Variants in SELENOS observed in about 807,000 individuals in gnomAD.
SELENOS encodes selenoprotein S.
SELENOS carries 37 observed loss-of-function variants against 30.2 expected under a neutral mutation model. The observed-to-expected ratio is 1.23, with a 90% CI of 0.94 to 1.61. The LOEUF is 1.61. Among genes scored for constraint, SELENOS ranks in the 40% most tolerant of loss-of-function variants. The probability of loss-of-function intolerance (pLI) is 0.00; values close to 1 mark genes in which losing one functional copy is unlikely to be tolerated. For missense variants in SELENOS, 289 were observed against 231.8 expected (o/e 1.25, Z -1.60); for synonymous variants, 119 against 91.6 (o/e 1.30, Z -1.71).
Position 101,275,339 on chromosome 15 carries a change from T to C in SELENOS, c.234A>G (p.Arg78=). 2 of 1,579,976 alleles carry C rather than the reference T, an allele frequency of 1.3e-6. No homozygotes were observed. The highest frequency in any genetic ancestry group is 1.7e-6 in the Non-Finnish European group (2 of 1,162,050). ...AAVEPDVVVK[R]QEALAAARLK... ...GTCGAGCAGCTGCTAAAGCTTCTTG[T>C]CGTTTAACAACAACATCAGGTTCTA... The change falls in exon 3 of 6, where the codon CGA becomes CGG. Residue 78 remains arginine (R), a synonymous_variant. Transcript: ENST00000526049.
intron 5 of SELENOS, among the ~76,000 whole-genome samples, chr15:101,273,276 G>A (rs555363551): frequency 8.5e-5 from 13 of 152,108 alleles, no homozygotes; most frequent in Non-Finnish European, 1.6e-4. Flanking sequence ...CAGTCAGAAC[G>A]GGGTCTTCTG....
chr15:101,274,516 G>A (rs748759590), intron 4 of SELENOS, 21 bp from the exon 5 acceptor site: 1 of 1,607,134 alleles, frequency 6.2e-7, no homozygotes, highest in East Asian at 2.2e-5. Flanking sequence ...ACACACAGTA[G>A]TGTAAGAAGC....
At chr15:101,277,122 C>A in intron 1 of SELENOS, 1 of 818,840 alleles carries the variant, frequency 1.2e-6, no homozygotes, top group Non-Finnish European at 2.0e-6. Flanking sequence ...AAAAGACTTG[C>A]GCAAACAAGG....
chr15:101,274,358 A>G, intron 5 of SELENOS, 62 bp downstream of exon 5: 1 of 1,514,044 alleles, frequency 6.6e-7, no homozygotes, highest in Non-Finnish European at 9.0e-7. Flanking sequence ...CTTGTTCCTA[A>G]AAGGTAACTA....
At chr15:101,274,561 C>CGG (rs1567119073) in intron 4 of SELENOS, 31 bp downstream of exon 4, 2 of 1,610,906 alleles carry the variant, frequency 1.2e-6, no homozygotes, top group Admixed American at 3.4e-5. Flanking sequence ...CTTCATCTAC[C>CGG]GCATGCCAGC....
At chr15:101,274,831 AGT>A in intron 3 of SELENOS, 150 bp from the exon 4 acceptor site, 1 of 848,502 alleles carries the variant, frequency 1.2e-6, no homozygotes, top group South Asian at 1.7e-5. Flanking sequence ...GTGATCTGGT[AGT>A]GTGAGTTTAA....
chr15:101,277,449 C>T lies in SELENOS; in HGVS notation c.-32G>A, dbSNP rs757745563. The T allele has an allele frequency of 2.8e-6, 4 of 1,423,912 alleles. No individual in the cohort carries two copies. In the East Asian group the frequency reaches 9.1e-5, roughly 32 times the overall value. 88.2% of individuals were successfully genotyped at this position (1,423,912 alleles called of 1,614,324 possible). A position where few individuals can be genotyped will look rare whatever the true frequency, so the allele number is the denominator to read the frequency against. Reference sequence around the variant, plus strand: ...CGCCGCCGCCGCCGCCCAGCCCTGCCGCCGCGCCTCCAGCCGGGCGCTTCC... The same window carrying T: ...CGCCGCCGCCGCCGCCCAGCCCTGCTGCCGCGCCTCCAGCCGGGCGCTTCC... On this transcript the variant is annotated 5_prime_UTR_variant, in exon 1 of 6. Coordinates refer to ENST00000526049, the MANE Select transcript of SELENOS (RefSeq NM_018445.6).
downstream of SELENOS, among the ~76,000 whole-genome samples, chr15:101,271,846 C>A (rs1596464338): frequency 6.6e-6 from 1 of 152,152 alleles, no homozygotes; most frequent in Non-Finnish European, 1.5e-5. Context: ...AATATAAAAA[C>A]CTAAGACTAT....
downstream of SELENOS, chr15:101,271,791 T>C (rs545828784): frequency 2.0e-5 from 3 of 152,282 alleles, no homozygotes; most frequent in African/African-American, 7.2e-5. Context: ...TCAGCCCAAA[T>C]CCAGCCCATG....
At chr15:101,276,832 C>G in intron 1 of SELENOS, 157 bp from the exon 2 acceptor site, 1 of 819,226 alleles carries the variant, frequency 1.2e-6, no homozygotes, top group Non-Finnish European at 1.8e-6. Flanking sequence ...AACACGAACT[C>G]AAGAAGTGCG....
At position 101,277,345 on chromosome 15, in the gene SELENOS, T is replaced by C; in HGVS notation, c.73A>G (p.Thr25Ala). The change falls in exon 1 of 6, where the codon ACG becomes GCG. Residue 25 changes from threonine to alanine, a missense_variant. Thr to Ala is a moderately conservative substitution (Grantham distance 58, BLOSUM62 0). Coordinates refer to ENST00000526049, the MANE Select transcript of SELENOS (RefSeq NM_018445.6). Reference protein sequence around the residue: ...ETEGLRFLHTTVGSLLATYGW... With the variant: ...ETEGLRFLHTAVGSLLATYGW... ...CGGCTGCCCCGCAACGACTCACCCG[T>C]GGTGTGCAGGAAGCGCAGCCCCTCG... 6.6e-7 allele frequency: 1 copy of C among 1,516,574 alleles called. No homozygotes were observed. The highest frequency in any genetic ancestry group is 8.8e-7 in the Non-Finnish European group (1 of 1,139,714). The allele number at this position is 1,516,574 out of a possible 1,614,324, so 93.9% of individuals were successfully genotyped here.
intron 2 of SELENOS, 69 bp downstream of exon 2, chr15:101,276,472 T>A (rs2039328078): frequency 6.9e-7 from 1 of 1,457,444 alleles, no homozygotes; most frequent in South Asian, 1.5e-5. Context: ...TTACTTTTAC[T>A]AAGAGACTAA....
At chr15:101,276,414 ATTTT>A in intron 2 of SELENOS, 123 bp downstream of exon 2, 5 of 974,740 alleles carry the variant, frequency 5.1e-6, no homozygotes, top group Non-Finnish European at 5.5e-6. Flanking sequence ...ACTCCCGGCT[ATTTT>A]TTTTTTTTTT....
Position 101,276,956 on chromosome 15 carries a change from G to A in SELENOS, c.77-281C>T, listed in dbSNP as rs890750479. On this transcript the variant is annotated intron_variant, in intron 1 of 5. Transcript: ENST00000526049. ...TTGAAGAATGAAGAGCAACTAATCT[G>A]AATCAGGAAGGCAAAGGCCTTTCAG... 7 of 525,962 alleles carry A rather than the reference G, an allele frequency of 1.3e-5. No individual in the cohort carries two copies. In the East Asian group the frequency reaches 1.4e-4, roughly 10 times the overall value. 32.6% of individuals were successfully genotyped at this position (525,962 alleles called of 1,614,324 possible). A position where few individuals can be genotyped will look rare whatever the true frequency, so the allele number is the denominator to read the frequency against.
chr15:101,277,241 T>A (rs2039338817), intron 1 of SELENOS, 101 bp downstream of exon 1: 1 of 1,514,840 alleles, frequency 6.6e-7, no homozygotes. Flanking sequence ...TTCCCAGGCC[T>A]CCCAGGCTCC....
intron 2 of SELENOS, 189 bp downstream of exon 2, chr15:101,276,352 G>T: frequency 1.6e-6 from 1 of 617,502 alleles, no homozygotes. Flanking sequence ...GGACTCAAGT[G>T]ATTATCCCGC....
intron 5 of SELENOS, among the ~76,000 whole-genome samples, chr15:101,273,777 C>T (rs1182203654): frequency 2.0e-5 from 3 of 152,232 alleles, no homozygotes; most frequent in Admixed American, 6.5e-5. Context: ...TTTCCTCAGT[C>T]CTCAAAGACA....
At chr15:101,271,405 T>C (rs1260366553), downstream of SELENOS, 1 of 152,214 alleles carries the variant, frequency 6.6e-6, no homozygotes, top group Non-Finnish European at 1.5e-5. Flanking sequence ...CCCACCCTTG[T>C]TTCCACTGAC....
At position 101,277,462 on chromosome 15, in the gene SELENOS, G is replaced by C; in HGVS notation, c.-45C>G. 1 of 1,404,906 alleles carries C rather than the reference G, an allele frequency of 7.1e-7. No individual in the cohort carries two copies. The highest frequency in any genetic ancestry group is 9.2e-7 in the Non-Finnish European group (1 of 1,089,810). The allele number at this position is 1,404,906 out of a possible 1,614,324, so 87.0% of individuals were successfully genotyped here. A position where few individuals can be genotyped will look rare whatever the true frequency, so the allele number is the denominator to read the frequency against. ...GCCCAGCCCTGCCGCCGCGCCTCCAGCCGGGCGCTTCCGGTGCGCTCCTAC... is the reference window on the plus strand; with the variant it reads ...GCCCAGCCCTGCCGCCGCGCCTCCACCCGGGCGCTTCCGGTGCGCTCCTAC... On this transcript the variant is annotated 5_prime_UTR_variant, in exon 1 of 6. Coordinates refer to ENST00000526049, the MANE Select transcript of SELENOS (RefSeq NM_018445.6).
Sources: gnomAD v4.1 joint callset for allele counts (sites outside exome capture counted in the v4.1 genomes callset) on GRCh38, gnomAD v4.1.1 for gene constraint, MANE v1.5 for transcripts, NCBI Gene and HGNC (gene_info 2026-07-23, HGNC 2026-07-21) for gene names.